Variants in TNS3 observed in about 807,000 individuals in gnomAD.
TNS3 encodes the protein tensin-3.
In TNS3, 45 loss-of-function variants were observed where a neutral mutation model predicts 140.9. The ratio of observed to expected loss-of-function variants is 0.32; its 90% confidence interval spans 0.25 to 0.41. The LOEUF (loss-of-function observed/expected upper bound fraction) is 0.41. Among genes scored for constraint, TNS3 ranks in the 10% least tolerant of loss-of-function variants. TNS3 has a pLI of 1.00. For missense variants in TNS3, 1,716 were observed against 1,906.7 expected (o/e 0.90, Z 1.86); for synonymous variants, 815 against 788.4 (o/e 1.03, Z -0.56).
intron 1 of TNS3, among the ~76,000 whole-genome samples, chr7:47,534,856 C>T (rs1315126097): frequency 6.6e-6 from 1 of 152,150 alleles, no homozygotes; most frequent in Non-Finnish European, 1.5e-5. Context: ...GTAATCACCA[C>T]TAGTCTACAA....
intron 1 of TNS3, among the ~76,000 whole-genome samples, chr7:47,557,582 T>G (rs117646587): frequency 0.035 from 5,378 of 152,270 alleles, 145 homozygotes; most frequent in Non-Finnish European, 0.05. Flanking sequence ...AACTGAAGGT[T>G]TTATGGGAAT....
intron 3 of TNS3, chr7:47,481,527 G>T: frequency 2.6e-6 from 1 of 377,658 alleles, no homozygotes; most frequent in Non-Finnish European, 3.6e-6. Context: ...GGCTCTGCCT[G>T]GTGGTCTTCA....
At position 47,303,530 on chromosome 7, in the gene TNS3, G is replaced by A. The variant is rs1468006574; in HGVS notation, c.2877C>T (p.Ser959=). The change falls in exon 22 of 31, where the codon TCC becomes TCT. Residue 959 remains serine (S), a synonymous_variant. Coordinates refer to ENST00000311160, the MANE Select transcript of TNS3 (RefSeq NM_022748.12). ...CGGTGGGCCGGCCGCTCCCCAGCAG[G>A]GAAACCATGGGCTTGGGGCTGCTCT... The part of the protein sequence containing the change: ...WVESSPKPMV[S]LLGSGRPTGS... 4.4e-6 allele frequency: 7 copies of A among 1,605,856 alleles called. No individual in the cohort carries two copies. In the South Asian group the frequency reaches 6.6e-5, roughly 15 times the overall value.
At chr7:47,330,601 C>T (rs537041844) in intron 20 of TNS3, among the ~76,000 whole-genome samples, 5 of 151,742 alleles carry the variant, frequency 3.3e-5, no homozygotes, top group East Asian at 1.9e-4. Context: ...AACAAAAGGA[C>T]GGAGGGAAGG....
rs113064206 is a variant in TNS3 at position 47,490,113 on chromosome 7, A to G, written c.-114-8972T>C. ...ATTAAAAGGTAGTATTGAGTTGATG[A>G]ACCGTCTTTTTATTAGAGCATTATA... On this transcript the variant is annotated intron_variant, in intron 3 of 30. Coordinates refer to ENST00000311160, the MANE Select transcript of TNS3 (RefSeq NM_022748.12). Among the ~76,000 whole-genome samples, 294 of 152,338 alleles carry G rather than the reference A, an allele frequency of 1.9e-3. 2 individuals are homozygous for G. Among genetic ancestry groups the G allele is most frequent in the Middle Eastern group, 6.8e-3 (2 of 294 alleles).
intron 2 of TNS3, among the ~76,000 whole-genome samples, chr7:47,510,859 T>TAA (rs1562817961): frequency 6.3e-5 from 5 of 79,512 alleles, no homozygotes; most frequent in African/African-American, 1.4e-4. Context: ...AAGACTGTCT[T>TAA]TAAAAAAAAA....
chr7:47,456,730 A>G (rs1308711177), intron 4 of TNS3, among the ~76,000 whole-genome samples: 1 of 152,028 alleles, frequency 6.6e-6, no homozygotes, highest in African/African-American at 2.4e-5. Context: ...CCCGGCAAGC[A>G]CACACACAAC....
At chr7:47,428,277 CA>C in intron 9 of TNS3, 34 bp downstream of exon 9, 1 of 1,372,550 alleles carries the variant, frequency 7.3e-7, no homozygotes, top group Non-Finnish European at 9.5e-7. Flanking sequence ...CAGCTTTTAG[CA>C]CCTCAAGACA....
intron 20 of TNS3, among the ~76,000 whole-genome samples, chr7:47,326,670 C>T (rs1281831886): frequency 1.3e-5 from 2 of 152,156 alleles, no homozygotes; most frequent in Non-Finnish European, 2.9e-5. Context: ...AATCTCACCT[C>T]CAAAGTCAGA....
At chr7:47,310,923 T>C (rs908906616) in intron 20 of TNS3, among the ~76,000 whole-genome samples, 14 of 152,258 alleles carry the variant, frequency 9.2e-5, no homozygotes, top group African/African-American at 3.4e-4. Context: ...GGCTGCATAG[T>C]ATTCCATGGT....
At chr7:47,538,218 T>G (rs1159258466) in intron 1 of TNS3, among the ~76,000 whole-genome samples, 3 of 152,090 alleles carry the variant, frequency 2.0e-5, no homozygotes, top group Non-Finnish European at 4.4e-5. Context: ...CCTGTCGGAC[T>G]TCACCAGCCT....
At chr7:47,484,468 TGACCACA>T (rs1562793796) in intron 3 of TNS3, among the ~76,000 whole-genome samples, 1 of 152,324 alleles carries the variant, frequency 6.6e-6, no homozygotes, top group East Asian at 1.9e-4. Context: ...GCAGGTAAGC[TGACCACA>T]GACAGAACCA....
At chr7:47,481,494 G>C (rs531551293) in intron 3 of TNS3, among the ~76,000 whole-genome samples, 1 of 152,162 alleles carries the variant, frequency 6.6e-6, no homozygotes, top group Non-Finnish European at 1.5e-5. Flanking sequence ...GCTTGGGAGC[G>C]GGGCCCAGAG....
chr7:47,496,473 G>C (rs150973755), intron 3 of TNS3, among the ~76,000 whole-genome samples: 6 of 152,258 alleles, frequency 3.9e-5, no homozygotes, highest in East Asian at 1.9e-4. Flanking sequence ...GGAAGCAGGC[G>C]GGGGGAGGTG....
At chr7:47,468,271 T>C (rs1458873351) in intron 4 of TNS3, among the ~76,000 whole-genome samples, 3 of 151,964 alleles carry the variant, frequency 2.0e-5, no homozygotes, top group Non-Finnish European at 4.4e-5. Context: ...TGAAACCCCG[T>C]CTCTAGTAAA....
rs138256621 is a variant in TNS3, at chr7:47,577,566, C to T, written c.-265+4485G>A. Among the ~76,000 whole-genome samples, 518 of 152,288 alleles carry T rather than the reference C, an allele frequency of 3.4e-3. 1 individual carries two copies. Among genetic ancestry groups the T allele is most frequent in the South Asian group, 0.011 (52 of 4,830 alleles). ...AAGAACTCCAAGCATTGCTGACGGACCGGGATTCAGATCCAAGGCTCAGTA... is the reference window on the plus strand; with the variant it reads ...AAGAACTCCAAGCATTGCTGACGGATCGGGATTCAGATCCAAGGCTCAGTA... On this transcript the variant is annotated intron_variant, in intron 1 of 30. Coordinates refer to ENST00000311160, the MANE Select transcript of TNS3 (RefSeq NM_022748.12).
chr7:47,326,173 C>T (rs1384012859), intron 20 of TNS3, among the ~76,000 whole-genome samples: 3 of 152,210 alleles, frequency 2.0e-5, no homozygotes, highest in Non-Finnish European at 4.4e-5. Context: ...TTACAGCTCC[C>T]TTTCTCTGAG....
intron 20 of TNS3, among the ~76,000 whole-genome samples, chr7:47,326,408 G>C (rs1353465774): frequency 6.6e-6 from 1 of 152,194 alleles, no homozygotes; most frequent in African/African-American, 2.4e-5. Flanking sequence ...GTCTGAGTCA[G>C]AACGCAGAAT....
intron 6 of TNS3, among the ~76,000 whole-genome samples, chr7:47,437,981 A>G (rs1448385909): frequency 6.6e-6 from 1 of 151,100 alleles, no homozygotes; most frequent in African/African-American, 2.4e-5. Flanking sequence ...GCCTAAGTTC[A>G]CTGAAAAATC....
Sources: allele counts gnomAD v4.1 joint callset (sites outside exome capture counted in the v4.1 genomes callset), GRCh38; gene constraint gnomAD v4.1.1; transcripts MANE v1.5; gene names NCBI Gene and HGNC (gene_info 2026-07-23, HGNC 2026-07-21).